The following RORB variants were observed in gnomAD, a reference collection of about 807,000 sequenced individuals.
RORB encodes the protein RAR related orphan receptor B.
Under a neutral mutation model 59.1 loss-of-function variants are expected in RORB, and 6 were observed. That is an observed-to-expected ratio of 0.10 (90% CI 0.06 to 0.20). The LOEUF (loss-of-function observed/expected upper bound fraction) is 0.20, where lower values mean the gene tolerates loss of function less well. Among genes scored for constraint, RORB ranks in the 10% least tolerant of loss-of-function variants. The pLI is 1.00. For missense variants in RORB, 320 were observed against 560.5 expected, an observed-to-expected ratio of 0.57 and a Z score of 4.33; for synonymous variants, 215 against 204.5, an observed-to-expected ratio of 1.05 and a Z score of -0.44.
chr9:74,631,342 G>T (rs896962534), intron 2 of RORB, among the ~76,000 whole-genome samples: 1 of 152,198 alleles, frequency 6.6e-6, no homozygotes, highest in Non-Finnish European at 1.5e-5. Flanking sequence ...GGGAGGAAAA[G>T]GTAATATGCT....
intron 1 of RORB, among the ~76,000 whole-genome samples, chr9:74,586,036 C>T (rs1381256811): frequency 2.6e-5 from 4 of 151,846 alleles, no homozygotes; most frequent in Non-Finnish European, 2.9e-5. Context: ...CCTCGTGATC[C>T]GCCCGCCTCG....
At chr9:74,551,819 T>C (rs1826613075) in intron 1 of RORB, among the ~76,000 whole-genome samples, 1 of 152,234 alleles carries the variant, frequency 6.6e-6, no homozygotes, top group Admixed American at 6.5e-5. Flanking sequence ...CGTTTGATTT[T>C]CAAAAGTTTA....
intron 9 of RORB, among the ~76,000 whole-genome samples, chr9:74,675,312 T>A (rs1587418920): frequency 1.4e-5 from 2 of 144,318 alleles, no homozygotes; most frequent in African/African-American, 2.6e-5. Flanking sequence ...AAAAAAAAAA[T>A]ACATACATAT....
At chr9:74,514,823 A>G (rs1031077086) in intron 1 of RORB, among the ~76,000 whole-genome samples, 17 of 151,670 alleles carry the variant, frequency 1.1e-4, no homozygotes, top group African/African-American at 4.1e-4. Context: ...AAGCTATAGT[A>G]TTGAATTATT....
rs529052799 is a variant in RORB, at chr9:74,665,439, T to A, written c.893-49T>A. ...CAGTAATAATTTCTTTATTATTGGA[T>A]ATATATGTGTATTTTTATTTTATTT... On this transcript the variant is annotated intron_variant, in intron 6 of 9. Coordinates refer to ENST00000376896, the MANE Select transcript of RORB (RefSeq NM_006914.4). 7 of 1,133,982 alleles carry A rather than the reference T, an allele frequency of 6.2e-6. No individual in the cohort carries two copies. The East Asian group carries it at 1.8e-4, about 30-fold the overall frequency. 70.2% of individuals were successfully genotyped at this position (1,133,982 alleles called of 1,614,324 possible). A position where few individuals can be genotyped will look rare whatever the true frequency, so the allele number is the denominator to read the frequency against.
intron 4 of RORB, among the ~76,000 whole-genome samples, chr9:74,644,486 G>A (rs1339935833): frequency 1.3e-5 from 2 of 152,076 alleles, no homozygotes; most frequent in African/African-American, 4.8e-5. Flanking sequence ...TAACTTCCCA[G>A]AGTCCTATAA....
At chr9:74,620,795 C>T (rs1321668849) in intron 1 of RORB, among the ~76,000 whole-genome samples, 3 of 152,110 alleles carry the variant, frequency 2.0e-5, no homozygotes, top group Admixed American at 6.5e-5. Context: ...GCCTTCATTT[C>T]GTTATGTACC....
intron 1 of RORB, chr9:74,615,737 T>A: frequency 3.0e-6 from 1 of 337,810 alleles, no homozygotes; most frequent in South Asian, 2.2e-5. Context: ...CAAAATAAAT[T>A]GATAGCTAGG....
intron 1 of RORB, among the ~76,000 whole-genome samples, chr9:74,576,508 G>A (rs1045832729): frequency 6.6e-6 from 1 of 152,108 alleles, no homozygotes; most frequent in Non-Finnish European, 1.5e-5. Context: ...AGAGGGCCCA[G>A]TAGGAGGGAG....
At chr9:74,620,554 G>A (rs988761988) in intron 1 of RORB, among the ~76,000 whole-genome samples, 1 of 151,906 alleles carries the variant, frequency 6.6e-6, no homozygotes, top group African/African-American at 2.4e-5. Context: ...CTTCAGTTCT[G>A]CTCTGATTTT....
At chr9:74,568,821 C>T (rs981790663) in intron 1 of RORB, among the ~76,000 whole-genome samples, 1 of 151,688 alleles carries the variant, frequency 6.6e-6, no homozygotes, top group Non-Finnish European at 1.5e-5. Flanking sequence ...AACCTAAAAT[C>T]ATATTTATAA....
At chr9:74,561,121 GAGA>G (rs879446840) in intron 1 of RORB, among the ~76,000 whole-genome samples, 2 of 152,090 alleles carry the variant, frequency 1.3e-5, no homozygotes, top group African/African-American at 4.8e-5. Flanking sequence ...TGAATTGAAT[GAGA>G]AGAAGAAATA....
intron 1 of RORB, among the ~76,000 whole-genome samples, chr9:74,545,015 G>A (rs569445042): frequency 4.1e-4 from 62 of 152,206 alleles, no homozygotes; most frequent in African/African-American, 1.4e-3. Flanking sequence ...CTTGAATATG[G>A]GGATGTATTG....
intron 1 of RORB, among the ~76,000 whole-genome samples, chr9:74,593,096 A>G (rs918252716): frequency 1.3e-5 from 2 of 152,112 alleles, no homozygotes; most frequent in Admixed American, 6.6e-5. Context: ...GATACATACC[A>G]TAAGTTTTGC....
chr9:74,505,189 T>C (rs539676083), intron 1 of RORB, among the ~76,000 whole-genome samples: 1 of 152,268 alleles, frequency 6.6e-6, no homozygotes, highest in African/African-American at 2.4e-5. Context: ...TGACCAGCTT[T>C]ATTTTGTTTT....
At chr9:74,632,550 T>A (rs548036683) in intron 2 of RORB, among the ~76,000 whole-genome samples, 4 of 152,114 alleles carry the variant, frequency 2.6e-5, no homozygotes, top group African/African-American at 7.2e-5. Context: ...ATTCATTCAA[T>A]AAAATTTGGA....
At chr9:74,610,197 T>A (rs1382519591) in intron 1 of RORB, among the ~76,000 whole-genome samples, 1 of 152,242 alleles carries the variant, frequency 6.6e-6, no homozygotes, top group African/African-American at 2.4e-5. Context: ...AAGATCTTGG[T>A]ATCTTCTGTA....
intron 1 of RORB, among the ~76,000 whole-genome samples, chr9:74,529,643 G>A (rs1051977615): frequency 1.3e-5 from 2 of 151,760 alleles, no homozygotes; most frequent in East Asian, 1.9e-4. Context: ...CTAATATAAA[G>A]TACCTTAAAA....
At chr9:74,675,113 C>G (rs1285908602) in intron 9 of RORB, among the ~76,000 whole-genome samples, 1 of 151,900 alleles carries the variant, frequency 6.6e-6, no homozygotes, top group Non-Finnish European at 1.5e-5. Flanking sequence ...AGATGAAAAC[C>G]ATTTCAAAAG....
Sources: gnomAD v4.1 joint callset for allele counts (sites outside exome capture counted in the v4.1 genomes callset) on GRCh38, gnomAD v4.1.1 for gene constraint, MANE v1.5 for transcripts, NCBI Gene and HGNC (gene_info 2026-07-23, HGNC 2026-07-21) for gene names.